SIL1: variants seen among roughly 807,000 people sequenced by gnomAD.
SIL1 encodes SIL1 nucleotide exchange factor.
Under a neutral mutation model 49.1 loss-of-function variants are expected in SIL1, and 40 were observed. The ratio of observed to expected loss-of-function variants is 0.81; its 90% CI spans 0.63 to 1.06. The LOEUF is 1.06. Among genes scored for constraint, SIL1 ranks in the 50% least tolerant of loss-of-function variants. The pLI is 0.00. For missense variants in SIL1, 500 were observed against 572.6 expected, an observed-to-expected ratio of 0.87 and a Z score of 1.29; for synonymous variants, 253 against 250.8, an observed-to-expected ratio of 1.01 and a Z score of -0.08.
chr5:139,024,177 A>C (rs1352149514), intron 6 of SIL1, among the ~76,000 whole-genome samples: 1 of 152,204 alleles, frequency 6.6e-6, no homozygotes, highest in Non-Finnish European at 1.5e-5. Flanking sequence ...CTAAAGATTC[A>C]TCCAAATATG....
At chr5:139,049,868 T>G (rs1386783891) in intron 4 of SIL1, among the ~76,000 whole-genome samples, 1 of 151,868 alleles carries the variant, frequency 6.6e-6, no homozygotes, top group East Asian at 1.9e-4. Context: ...AATCCATAAC[T>G]AATAATTCCC....
intron 7 of SIL1, among the ~76,000 whole-genome samples, 172 bp from the exon 8 acceptor site, chr5:138,952,056 C>T (rs956288483): frequency 4.6e-5 from 7 of 152,336 alleles, no homozygotes; most frequent in South Asian, 2.1e-4. Context: ...CACAGACCCA[C>T]GTGGGAACAG....
intron 3 of SIL1, 167 bp from the exon 4 acceptor site, chr5:139,051,213 G>A (rs546000838): frequency 8.1e-5 from 54 of 665,592 alleles, no homozygotes; most frequent in Non-Finnish European, 1.1e-4. Flanking sequence ...CACACCACTC[G>A]CATAAACTCA....
chr5:139,162,354 G>C (rs932675456), intron 1 of SIL1, among the ~76,000 whole-genome samples: 8 of 152,162 alleles, frequency 5.3e-5, no homozygotes, highest in African/African-American at 1.7e-4. Flanking sequence ...GCTATTCCTG[G>C]TGAGCTTTTG....
intron 7 of SIL1, among the ~76,000 whole-genome samples, chr5:138,975,314 T>C (rs1460237814): frequency 6.6e-6 from 1 of 152,040 alleles, no homozygotes; most frequent in Non-Finnish European, 1.5e-5. Flanking sequence ...GACTCAAAAA[T>C]GAAACCACTG....
chr5:139,058,500 C>T lies in SIL1; in HGVS notation c.245-7454G>A, dbSNP rs575358087. On this transcript the variant is annotated intron_variant, in intron 3 of 9. Coordinates refer to ENST00000394817, the MANE Select transcript of SIL1 (RefSeq NM_022464.5). ...CTAATGGGAATTTGCTACTTCCCTC[C>T]TTCTTTACACATTTATTAATTGGGA... Among the ~76,000 whole-genome samples, 6 of 152,276 alleles carry T rather than the reference C, an allele frequency of 3.9e-5. No individual in the cohort carries two copies. The South Asian group carries it at 1.2e-3, about 32-fold the overall frequency.
At chr5:138,965,260 T>C (rs1261772872) in intron 7 of SIL1, among the ~76,000 whole-genome samples, 1 of 152,148 alleles carries the variant, frequency 6.6e-6, no homozygotes, top group Non-Finnish European at 1.5e-5. Context: ...GTGTTAGAAA[T>C]AGTCCTTTGT....
chr5:138,958,447 A>G (rs1297002908), intron 7 of SIL1, among the ~76,000 whole-genome samples: 1 of 152,198 alleles, frequency 6.6e-6, no homozygotes, highest in Non-Finnish European at 1.5e-5. Flanking sequence ...TTCCTCTGAA[A>G]TTAATATTTT....
At chr5:139,110,905 C>A (rs1046984885) in intron 3 of SIL1, among the ~76,000 whole-genome samples, 7 of 152,196 alleles carry the variant, frequency 4.6e-5, no homozygotes, top group Admixed American at 1.3e-4. Context: ...CCTTACCATA[C>A]CCAGAGACAA....
chr5:139,172,624 T>A (rs1581150769), intron 1 of SIL1, among the ~76,000 whole-genome samples: 1 of 122,962 alleles, frequency 8.1e-6, no homozygotes, highest in African/African-American at 2.9e-5. Context: ...AGCGTGAGAC[T>A]CCGTCTCAAA....
intron 7 of SIL1, among the ~76,000 whole-genome samples, chr5:138,952,486 C>G (rs528374362): frequency 6.6e-6 from 1 of 152,218 alleles, no homozygotes; most frequent in African/African-American, 2.4e-5. Flanking sequence ...CCAATGCCTC[C>G]CACTGGGCTC....
intron 3 of SIL1, among the ~76,000 whole-genome samples, chr5:139,086,030 A>C (rs961170589): frequency 6.6e-6 from 1 of 151,866 alleles, no homozygotes; most frequent in Non-Finnish European, 1.5e-5. Flanking sequence ...TGGGAGGCCA[A>C]GGCAGGAGGA....
intron 3 of SIL1, among the ~76,000 whole-genome samples, chr5:139,113,196 A>C (rs62381240): frequency 6.6e-6 from 1 of 151,822 alleles, no homozygotes; most frequent in Non-Finnish European, 1.5e-5. Flanking sequence ...GAAAACCAGA[A>C]ACCTTTGTTC....
chr5:139,069,431 G>T (rs1769779072), intron 3 of SIL1, among the ~76,000 whole-genome samples: 1 of 151,898 alleles, frequency 6.6e-6, no homozygotes, highest in Non-Finnish European at 1.5e-5. Flanking sequence ...AACAGAAATG[G>T]AAAAAGTAAG....
intron 3 of SIL1, among the ~76,000 whole-genome samples, chr5:139,114,660 C>G (rs926550531): frequency 2.0e-5 from 3 of 152,132 alleles, no homozygotes; most frequent in African/African-American, 4.8e-5. Context: ...AAGGAAATCC[C>G]CAGAAGACTA....
At chr5:139,019,844 G>C (rs1039579424) in intron 7 of SIL1, among the ~76,000 whole-genome samples, 1 of 152,182 alleles carries the variant, frequency 6.6e-6, no homozygotes, top group Non-Finnish European at 1.5e-5. Context: ...AAAGGGTCTG[G>C]AGAGAGGTTA....
chr5:138,968,273 C>A (rs772777871), intron 7 of SIL1, among the ~76,000 whole-genome samples: 1 of 152,136 alleles, frequency 6.6e-6, no homozygotes, highest in Non-Finnish European at 1.5e-5. Flanking sequence ...CCTCCCCTGG[C>A]CCCTGGGGAA....
intron 7 of SIL1, among the ~76,000 whole-genome samples, chr5:138,984,954 C>A (rs1767621491): frequency 1.3e-5 from 2 of 152,184 alleles, no homozygotes; most frequent in Non-Finnish European, 2.9e-5. Flanking sequence ...AAATTAAACT[C>A]ATTTGTGCCT....
Position 138,946,866 on chromosome 5 carries a change from G to C in SIL1, c.*251C>G, listed in dbSNP as rs573830991. 1.8e-6 allele frequency: 1 copy of C among 551,332 alleles called. No individual in the cohort carries two copies. Among genetic ancestry groups the C allele is most frequent in the East Asian group, 3.1e-5 (1 of 32,134 alleles). 34.2% of individuals were successfully genotyped at this position (551,332 alleles called of 1,614,324 possible). ...CCTGGGCCCAGGTTCCTGCCCTGGAGCCTGTTCCTGGATGCCCTGGGCTGA... is the reference window on the plus strand; with the variant it reads ...CCTGGGCCCAGGTTCCTGCCCTGGACCCTGTTCCTGGATGCCCTGGGCTGA... On this transcript the variant is annotated 3_prime_UTR_variant, in exon 10 of 10. Transcript: ENST00000394817.
Sources: allele counts gnomAD v4.1 joint callset (sites outside exome capture counted in the v4.1 genomes callset), GRCh38; gene constraint gnomAD v4.1.1; transcripts MANE v1.5; gene names NCBI Gene and HGNC (gene_info 2026-07-23, HGNC 2026-07-21).